The following ADAMTS17 variants were observed in gnomAD, a reference collection of about 807,000 sequenced individuals.
ADAMTS17 encodes the protein ADAM metallopeptidase with thrombospondin type 1 motif 17.
A neutral mutation model predicts 141.5 loss-of-function variants in ADAMTS17; 113 were observed. The observed-to-expected ratio is 0.80, with a 90% CI of 0.69 to 0.93. The LOEUF (loss-of-function observed/expected upper bound fraction) is 0.93, where lower values mean the gene tolerates loss of function less well. Among genes scored for constraint, ADAMTS17 ranks in the 40% least tolerant of loss-of-function variants. The pLI is 0.00. For synonymous variants in ADAMTS17, 768 were observed against 630.6 expected (o/e 1.22, Z -3.27); for missense variants, 1,659 against 1,517.9 (o/e 1.09, Z -1.54).
In ADAMTS17 at chr15:99,997,620, G is replaced by A. The variant is rs747049463; in HGVS notation, c.2592-31C>T. On this transcript the variant is annotated intron_variant, in intron 18 of 21. Coordinates refer to ENST00000268070, the MANE Select transcript of ADAMTS17 (RefSeq NM_139057.4). This position sits in a 1 kb window ranked among gnomAD's most constrained non-coding sequence, Gnocchi z 4.7. ...AGACGGGAGGAAAGAGAGAGAGAACGACTGGGTGAGAGGCCAGCCTCTCCG... is the reference window on the plus strand; with the variant it reads ...AGACGGGAGGAAAGAGAGAGAGAACAACTGGGTGAGAGGCCAGCCTCTCCG... The A allele has an allele frequency of 1.4e-5, 22 of 1,611,260 alleles. No homozygotes were observed. In the African/African-American group the frequency reaches 2.3e-4, roughly 17 times the overall value.
intron 18 of ADAMTS17, among the ~76,000 whole-genome samples, chr15:100,040,831 T>C (rs538849394): frequency 6.6e-6 from 1 of 152,198 alleles, no homozygotes; most frequent in Non-Finnish European, 1.5e-5. Flanking sequence ...TCCAGCATCT[T>C]GGCAATCTAA....
intron 18 of ADAMTS17, among the ~76,000 whole-genome samples, chr15:100,046,493 G>C (rs1212549247): frequency 6.6e-6 from 1 of 152,194 alleles, no homozygotes; most frequent in Non-Finnish European, 1.5e-5. Flanking sequence ...AAAATAGCTT[G>C]AAAACAGAAC....
intron 3 of ADAMTS17, among the ~76,000 whole-genome samples, chr15:100,327,026 G>GAATCTTAA (rs1302893925): frequency 6.6e-6 from 1 of 152,146 alleles, no homozygotes; most frequent in Non-Finnish European, 1.5e-5. Context: ...CCAACCGAAT[G>GAATCTTAA]AATCTTAACC....
rs114206044 is a variant in ADAMTS17, at chr15:100,039,520, A to C, written c.2591+9337T>G. ...GACCCACTGGTTGTTTAGGAAGGGTACTGTTTAATTTCCATGTACTTATGA... is the reference window on the plus strand; with the variant it reads ...GACCCACTGGTTGTTTAGGAAGGGTCCTGTTTAATTTCCATGTACTTATGA... On this transcript the variant is annotated intron_variant, in intron 18 of 21. Transcript: ENST00000268070. Among the ~76,000 whole-genome samples the C allele has an allele frequency of 1.3e-3, 198 of 152,324 alleles. 2 individuals are homozygous for C. Among genetic ancestry groups the C allele is most frequent in the African/African-American group, 4.6e-3 (190 of 41,568 alleles).
chr15:100,248,741 C>T (rs557556268), intron 7 of ADAMTS17, among the ~76,000 whole-genome samples: 1 of 152,052 alleles, frequency 6.6e-6, no homozygotes, highest in South Asian at 2.1e-4. Flanking sequence ...CCCATTCCAG[C>T]GAAGCCTAAG....
At chr15:100,271,863 T>A (rs2043925066) in intron 4 of ADAMTS17, among the ~76,000 whole-genome samples, 1 of 152,218 alleles carries the variant, frequency 6.6e-6, no homozygotes, top group African/African-American at 2.4e-5. Context: ...CCTCTTCTGT[T>A]TAGGACTTTG....
chr15:100,021,563 C>T (rs185671182), intron 18 of ADAMTS17, among the ~76,000 whole-genome samples: 16 of 152,354 alleles, frequency 1.1e-4, no homozygotes, highest in Admixed American at 3.9e-4. Flanking sequence ...CGACGGCTCC[C>T]TAGTACCTAA....
intron 3 of ADAMTS17, among the ~76,000 whole-genome samples, chr15:100,295,362 C>T (rs930155854): frequency 6.6e-6 from 1 of 152,120 alleles, no homozygotes; most frequent in Non-Finnish European, 1.5e-5. Context: ...TGAGCTCTGT[C>T]AATAGGGGGC....
At chr15:99,998,571 TCCAG>T (rs2060853837) in intron 18 of ADAMTS17, among the ~76,000 whole-genome samples, 1 of 152,132 alleles carries the variant, frequency 6.6e-6, no homozygotes, top group Admixed American at 6.5e-5. Flanking sequence ...GCCACTGCAC[TCCAG>T]CCTGGGTGAC....
intron 15 of ADAMTS17, among the ~76,000 whole-genome samples, chr15:100,057,825 C>T (rs1199133265): frequency 6.6e-6 from 1 of 152,094 alleles, no homozygotes; most frequent in African/African-American, 2.4e-5. Context: ...AGAGGACAGG[C>T]AGGAGTGCCA....
Position 100,142,481 on chromosome 15 carries a change from G to A in ADAMTS17, c.1474-9166C>T, listed in dbSNP as rs568358970. Among the ~76,000 whole-genome samples, 12 of 152,306 alleles carry A rather than the reference G, an allele frequency of 7.9e-5. No individual in the cohort carries two copies. In the South Asian group the frequency reaches 2.1e-3, roughly 26 times the overall value. On this transcript the variant is annotated intron_variant, in intron 10 of 21. Transcript: ENST00000268070. ...TTTCCTCCTGTCCCTCTGGCTCCAG[G>A]CGACAAGGAGGCACAGAATGGACAC...
rs560901580 is a variant in ADAMTS17 at position 100,023,424 on chromosome 15, C to T, written c.2591+25433G>A. 2.6e-3 allele frequency among the ~76,000 whole-genome samples: 400 copies of T among 151,900 alleles called. 2 individuals are homozygous for T. Among genetic ancestry groups the T allele is most frequent in the African/African-American group, 7.2e-3 (298 of 41,406 alleles). ...CGTTTCACGTTGGTCAGGCTGGTCT[C>T]GAACCTCCTGACCTTAGGTGATCTG... On this transcript the variant is annotated intron_variant, in intron 18 of 21. Coordinates refer to ENST00000268070, the MANE Select transcript of ADAMTS17 (RefSeq NM_139057.4).
At chr15:100,226,440 C>T (rs1361933037) in intron 7 of ADAMTS17, among the ~76,000 whole-genome samples, 2 of 152,254 alleles carry the variant, frequency 1.3e-5, no homozygotes, top group South Asian at 2.1e-4. Flanking sequence ...TTTGAGGGAC[C>T]ATAATACAAT....
intron 4 of ADAMTS17, among the ~76,000 whole-genome samples, chr15:100,269,263 A>G (rs1483842783): frequency 6.6e-6 from 1 of 152,244 alleles, no homozygotes; most frequent in East Asian, 1.9e-4. Context: ...TAACAAAAAC[A>G]AAAATTGACA....
intron 16 of ADAMTS17, 43 bp from the exon 17 acceptor site, chr15:100,051,774 A>C (rs374523771): frequency 1.9e-5 from 31 of 1,613,464 alleles, no homozygotes; most frequent in South Asian, 3.3e-5. Flanking sequence ...AAAAGGAAGG[A>C]AGGCCCGTGG....
chr15:100,207,632 T>G (rs537324869), intron 7 of ADAMTS17, among the ~76,000 whole-genome samples: 3 of 152,144 alleles, frequency 2.0e-5, no homozygotes, highest in Non-Finnish European at 2.9e-5. Flanking sequence ...ACAAAAACGC[T>G]TGGTAGAGAA....
chr15:100,265,528 G>A (rs144244448), intron 4 of ADAMTS17, among the ~76,000 whole-genome samples: 133 of 152,300 alleles, frequency 8.7e-4, no homozygotes, highest in Middle Eastern at 3.4e-3. Flanking sequence ...TGGACCTGCC[G>A]CCTGCAGCAC....
rs2060319338 is a variant in ADAMTS17 at position 99,976,096 on chromosome 15, C to T, written c.3076G>A (p.Glu1026Lys). 2 of 1,551,660 alleles carry T rather than the reference C, an allele frequency of 1.3e-6. No homozygotes were observed. The highest frequency in any genetic ancestry group is 1.7e-6 in the Non-Finnish European group (2 of 1,146,972). ...GCGTTGATCCTGTCGTTGCAGACCT[C>T]CTGGTAGCACTGTCTGTAGGGGGCA... Reference protein sequence around the residue: ...KPAPYRQCYQEVCNDRINANT... With the variant: ...KPAPYRQCYQKVCNDRINANT... Residue 1026 changes from glutamate (E) to lysine (K), a missense_variant, in exon 21 of 22, where the codon GAG becomes AAG. Coordinates refer to ENST00000268070, the MANE Select transcript of ADAMTS17 (RefSeq NM_139057.4).
intron 12 of ADAMTS17, among the ~76,000 whole-genome samples, chr15:100,118,833 A>C (rs1471254598): frequency 6.6e-6 from 1 of 152,194 alleles, no homozygotes; most frequent in Non-Finnish European, 1.5e-5. Flanking sequence ...GTGAGGCAGC[A>C]GATGCAGCAT....
Sources: allele counts gnomAD v4.1 joint callset (sites outside exome capture counted in the v4.1 genomes callset), GRCh38; gene constraint gnomAD v4.1.1; non-coding constraint Gnocchi (gnomAD v3.1); transcripts MANE v1.5; gene names NCBI Gene and HGNC (gene_info 2026-07-23, HGNC 2026-07-21).